The following POMZP3 variants were observed in gnomAD, a reference collection of about 807,000 sequenced individuals.
POMZP3 encodes POM121 and ZP3 fusion protein.
A neutral mutation model predicts 19.8 loss-of-function variants in POMZP3; 10 were observed. The ratio of observed to expected loss-of-function variants is 0.51; its 90% CI spans 0.31 to 0.86. POMZP3 has a LOEUF of 0.86. POMZP3 is among the 40% of genes least tolerant of loss of function. The pLI, the probability that POMZP3 is intolerant of heterozygous loss-of-function variation, is 0.04. For missense variants in POMZP3, 152 were observed against 228.1 expected, an observed-to-expected ratio of 0.67 and a Z score of 2.15; for synonymous variants, 57 against 85.8, an observed-to-expected ratio of 0.66 and a Z score of 1.85.
chr7:76,612,836 G>T lies in POMZP3; in HGVS notation c.346-1023C>A, dbSNP rs201434862. Among the ~76,000 whole-genome samples the T allele has an allele frequency of 8.1e-3, 546 of 67,514 alleles. 8 individuals are homozygous for T. The highest frequency in any genetic ancestry group is 0.027 in the African/African-American group (259 of 9,628). The allele number at this position is 67,514 out of a possible 152,430, so 44.3% of individuals were successfully genotyped here. ...CTAAGGCAAGACCAAGTTGTTTCTG[G>T]GACCTGAGGTCCTTGGGCACATAAA... On this transcript the variant is annotated intron_variant, in intron 4 of 6. Transcript: ENST00000310842.
At position 76,610,218 on chromosome 7, in the gene POMZP3, G is replaced by A; in HGVS notation, c.*12-3C>T. The A allele has an allele frequency of 6.2e-7, 1 of 1,613,784 alleles. No individual in the cohort carries two copies. The highest frequency in any genetic ancestry group is 1.1e-5 in the South Asian group (1 of 91,072). Reference sequence around the variant, plus strand: ...GGTGACATCTGCTTCTTCTGTCACTGTGAAAGGAGAACACACAACCAAGGG... The same window carrying A: ...GGTGACATCTGCTTCTTCTGTCACTATGAAAGGAGAACACACAACCAAGGG... On this transcript the variant is annotated splice_region_variant and splice_polypyrimidine_tract_variant and intron_variant, in intron 6 of 6. Transcript: ENST00000310842.
chr7:76,623,378 G>A (rs2060310536), intron 3 of POMZP3, among the ~76,000 whole-genome samples: 1 of 151,042 alleles, frequency 6.6e-6, no homozygotes, highest in South Asian at 2.1e-4. Context: ...CCTGATGAAT[G>A]CTTAATTATA....
At chr7:76,618,995 C>G (rs985055952) in intron 3 of POMZP3, among the ~76,000 whole-genome samples, 2 of 152,080 alleles carry the variant, frequency 1.3e-5, no homozygotes, top group African/African-American at 4.8e-5. Context: ...ACCATATTGC[C>G]CAAGTTGGTC....
chr7:76,619,438 T>C (rs1799206), intron 3 of POMZP3, among the ~76,000 whole-genome samples: 14,518 of 145,524 alleles, frequency 0.1, 1,177 homozygotes, highest in African/African-American at 0.23. Flanking sequence ...TCTGGCAGTA[T>C]CCCCACTCCC....
chr7:76,620,938 G>A (rs1325934912), intron 3 of POMZP3, among the ~76,000 whole-genome samples: 1 of 129,630 alleles, frequency 7.7e-6, no homozygotes, highest in African/African-American at 3.0e-5. Context: ...GCATGATCTT[G>A]GCTCACTGCA....
At position 76,627,032 on chromosome 7, in the gene POMZP3, CGA is replaced by C. The variant is rs960214250; in HGVS notation, c.-478_-477del. ...GTTCGCCGATGTCGCGCCTTCTGAA[CGA>C]AGGAGGACAAGGGGCGCGAACCTCG... On this transcript the variant is annotated 5_prime_UTR_variant, in exon 1 of 7. The change creates a premature stop within an existing upstream ORF in the 5' untranslated region. Transcript: ENST00000310842. 9 of 1,329,402 alleles carry C rather than the reference CGA, an allele frequency of 6.8e-6. No homozygotes were observed. Among genetic ancestry groups the C allele is most frequent in the Non-Finnish European group, 8.9e-6 (9 of 1,013,068 alleles). The allele number at this position is 1,329,402 out of a possible 1,614,324, so 82.4% of individuals were successfully genotyped here.
At chr7:76,620,368 G>A (rs1160268275) in intron 3 of POMZP3, among the ~76,000 whole-genome samples, 1 of 109,594 alleles carries the variant, frequency 9.1e-6, no homozygotes, top group African/African-American at 3.9e-5. Flanking sequence ...TGGGGGTGGG[G>A]TATGGGGTAG....
In POMZP3 at chr7:76,616,022, T is replaced by C. The variant is rs1386513245; in HGVS notation, c.345+2161A>G. ...GGGGCAGGTGGCACGTGGTGGTTCA[T>C]GCCTATAATCCCAGCACTTTGGGAA... On this transcript the variant is annotated intron_variant, in intron 4 of 6. Coordinates refer to ENST00000310842, the MANE Select transcript of POMZP3 (RefSeq NM_012230.5). Among the ~76,000 whole-genome samples, 3 of 80,084 alleles carry C rather than the reference T, an allele frequency of 3.7e-5. 1 individual carries two copies. Among genetic ancestry groups the C allele is most frequent in the Non-Finnish European group, 7.6e-5 (3 of 39,490 alleles). The allele number at this position is 80,084 out of a possible 152,430, so 52.5% of individuals were successfully genotyped here. A position where few individuals can be genotyped will look rare whatever the true frequency, so the allele number is the denominator to read the frequency against.
intron 3 of POMZP3, among the ~76,000 whole-genome samples, chr7:76,620,479 T>C (rs1421224128): frequency 1.3e-5 from 2 of 150,804 alleles, no homozygotes; most frequent in Admixed American, 1.3e-4. Context: ...CCTTTTCTTT[T>C]GTTTTTGAGA....
At chr7:76,625,920 G>A in intron 2 of POMZP3, 80 bp downstream of exon 2, 1 of 1,588,848 alleles carries the variant, frequency 6.3e-7, no homozygotes, top group Non-Finnish European at 8.6e-7. Flanking sequence ...TTGCGTTGTA[G>A]TCATGTTGTC....
intron 3 of POMZP3, among the ~76,000 whole-genome samples, chr7:76,620,624 T>C (rs1815500314): frequency 6.6e-6 from 1 of 151,236 alleles, no homozygotes. Context: ...TGTCCCACCA[T>C]GCCTGGCTAA....
chr7:76,619,707 T>C (rs1815446281), intron 3 of POMZP3, among the ~76,000 whole-genome samples: 1 of 139,182 alleles, frequency 7.2e-6, no homozygotes, highest in Non-Finnish European at 1.5e-5. Flanking sequence ...AATGTGACTG[T>C]TGGCCACAAA....
chr7:76,620,610 G>A (rs542125726), intron 3 of POMZP3, among the ~76,000 whole-genome samples: 1 of 151,794 alleles, frequency 6.6e-6, no homozygotes, highest in Admixed American at 6.6e-5. Context: ...TGAGACTACA[G>A]GCGTGTCCCA....
intron 3 of POMZP3, among the ~76,000 whole-genome samples, chr7:76,620,716 C>T (rs1486773370): frequency 6.6e-6 from 1 of 151,962 alleles, no homozygotes; most frequent in Non-Finnish European, 1.5e-5. Context: ...GATCTGCCTG[C>T]CTCAGCCTCC....
At chr7:76,616,369 TTTAG>T (rs1815289855) in intron 4 of POMZP3, among the ~76,000 whole-genome samples, 1 of 103,680 alleles carries the variant, frequency 9.6e-6, no homozygotes, top group South Asian at 3.2e-4. Context: ...CCTATGAAGA[TTTAG>T]TTAATGTTAC....
At chr7:76,623,311 T>C (rs1815678351) in intron 3 of POMZP3, among the ~76,000 whole-genome samples, 1 of 151,906 alleles carries the variant, frequency 6.6e-6, no homozygotes, top group Non-Finnish European at 1.5e-5. Context: ...TGGTATGCAA[T>C]GGTCAGGAAC....
chr7:76,622,417 C>T (rs1815618640), intron 3 of POMZP3, among the ~76,000 whole-genome samples: 1 of 124,170 alleles, frequency 8.1e-6, no homozygotes, highest in Admixed American at 8.5e-5. Flanking sequence ...CTCGCTCTGT[C>T]ACCCAGGCTG....
intron 3 of POMZP3, chr7:76,618,664 T>C (rs949520473): frequency 1.3e-5 from 3 of 235,842 alleles, no homozygotes; most frequent in African/African-American, 2.3e-5. Flanking sequence ...GTAGAGAATA[T>C]GAGAATATGC....
In POMZP3 at chr7:76,627,003, C is replaced by G. The variant is rs2116893211; in HGVS notation, c.-447G>C. The G allele has an allele frequency of 7.4e-7, 1 of 1,352,556 alleles. No individual in the cohort carries two copies. Among genetic ancestry groups the G allele is most frequent in the East Asian group, 2.7e-5 (1 of 36,798 alleles). 83.8% of individuals were successfully genotyped at this position (1,352,556 alleles called of 1,614,324 possible). A position where few individuals can be genotyped will look rare whatever the true frequency, so the allele number is the denominator to read the frequency against. ...TCGACTTGGCCGGAGGCGAAGCGAA[C>G]AGTGTTCGCCGATGTCGCGCCTTCT... On this transcript the variant is annotated 5_prime_UTR_variant, in exon 1 of 7. Transcript: ENST00000310842.
Sources: allele counts gnomAD v4.1 joint callset (sites outside exome capture counted in the v4.1 genomes callset), GRCh38; gene constraint gnomAD v4.1.1; transcripts MANE v1.5; gene names NCBI Gene and HGNC (gene_info 2026-07-23, HGNC 2026-07-21).